SHH: variants seen among roughly 807,000 people sequenced by gnomAD.
SHH encodes the protein sonic hedgehog signaling molecule, also known as sonic hedgehog protein.
Under a neutral mutation model 16.6 loss-of-function variants are expected in SHH, and 3 were observed. That is an observed-to-expected ratio of 0.18 (90% CI 0.08 to 0.47). SHH has a LOEUF of 0.47. Ranked by LOEUF, SHH falls within the 20% of genes least tolerant of loss-of-function variation. SHH has a pLI of 0.98. For synonymous variants in SHH, 351 were observed against 316.2 expected, an observed-to-expected ratio of 1.11 and a Z score of -1.17; for missense variants, 499 against 665.0, an observed-to-expected ratio of 0.75 and a Z score of 2.75.
rs1233571 is a variant in SHH, at chr7:155,801,600, T to C, written c.*1300A>G. The C allele has an allele frequency of 0.91, 138,803 of 152,336 alleles. 63,436 individuals are homozygous for C. Among genetic ancestry groups the C allele is most frequent in the East Asian group, 1 (5,181 of 5,184 alleles). 9.4% of individuals were successfully genotyped at this position (152,336 alleles called of 1,614,324 possible). On this transcript the variant is annotated 3_prime_UTR_variant, in exon 3 of 3. Transcript: ENST00000297261. ...GAATGGCACTCCCAACCTTTGGGAG[T>C]GTAGAAAGAGCTTCACACAATAAAT...
Position 155,807,590 on chromosome 7 carries a change from G to T in SHH, c.301-1033C>A, listed in dbSNP as rs1028999641. 3.9e-5 allele frequency among the ~76,000 whole-genome samples: 6 copies of T among 152,210 alleles called. No homozygotes were observed. The highest frequency in any genetic ancestry group is 5.9e-5 in the Non-Finnish European group (4 of 68,034). ...GACGGGGTTACCTGGGATTCAGATT[G>T]TGGGGGTTCCCCTGGAATTCTGGGG... On this transcript the variant is annotated intron_variant, in intron 1 of 2. Transcript: ENST00000297261. This position sits in a 1 kb window ranked among gnomAD's most constrained non-coding sequence, Gnocchi z 7.1.
intron 1 of SHH, among the ~76,000 whole-genome samples, chr7:155,808,340 A>C (rs1803420189): frequency 6.6e-6 from 1 of 152,218 alleles, no homozygotes; most frequent in African/African-American, 2.4e-5. Context: ...CCCCCACCCC[A>C]CCGCAGCTCC....
rs2117141170 is a variant in SHH at position 155,807,510 on chromosome 7, AGTTT to A, written c.301-957_301-954del. On this transcript the variant is annotated intron_variant, in intron 1 of 2. Coordinates refer to ENST00000297261, the MANE Select transcript of SHH (RefSeq NM_000193.4). The surrounding 1 kb of genome is among the most constrained non-coding windows in gnomAD (Gnocchi z 7.1). ...AGGTCTCGGAGTCCTCCGCCTGGGG[AGTTT>A]CCCAGGAAGTTGCCTGGGAGGAGGC... 1 of 152,132 alleles carries A rather than the reference AGTTT, an allele frequency of 6.6e-6. No individual in the cohort carries two copies. The highest frequency in any genetic ancestry group is 6.5e-5 in the Admixed American group (1 of 15,284). The allele number at this position is 152,132 out of a possible 1,614,324, so 9.4% of individuals were successfully genotyped here. A position where few individuals can be genotyped will look rare whatever the true frequency, so the allele number is the denominator to read the frequency against.
Position 155,807,291 on chromosome 7 carries a change from C to T in SHH, c.301-734G>A, listed in dbSNP as rs1170356439. On this transcript the variant is annotated intron_variant, in intron 1 of 2. Coordinates refer to ENST00000297261, the MANE Select transcript of SHH (RefSeq NM_000193.4). The surrounding 1 kb of genome is among the most constrained non-coding windows in gnomAD (Gnocchi z 7.1). ...TCTGGACAGCCACATTCTTTTTGCC[C>T]GTCGAACCCTTTTCTGCCTGGCTTT... 2 of 153,902 alleles carry T rather than the reference C, an allele frequency of 1.3e-5. No individual in the cohort carries two copies. Among genetic ancestry groups the T allele is most frequent in the Non-Finnish European group, 2.9e-5 (2 of 69,262 alleles). 9.5% of individuals were successfully genotyped at this position (153,902 alleles called of 1,614,324 possible).
intron 1 of SHH, among the ~76,000 whole-genome samples, chr7:155,811,208 C>T (rs1803515330): frequency 6.6e-6 from 1 of 152,258 alleles, no homozygotes; most frequent in South Asian, 2.1e-4. Flanking sequence ...ATACAGCCAG[C>T]CACCCAGGGA....
Position 155,803,307 on chromosome 7 carries a change from G to A in SHH, c.982C>T (p.Leu328=). The part of the protein sequence containing the change: ...VAERDGDRRL[L]PAAVHSVTLS... ...GTCACGCTGTGCACAGCGGCGGGCA[G>A]GAGCCGGCGGTCCCCGTCACGCTCG... Residue 328 remains leucine, a synonymous_variant, in exon 3 of 3, where the codon CTG becomes TTG. Transcript: ENST00000297261. 1 of 1,479,632 alleles carries A rather than the reference G, an allele frequency of 6.8e-7. No homozygotes were observed. Among genetic ancestry groups the A allele is most frequent in the African/African-American group, 1.5e-5 (1 of 68,282 alleles). The allele number at this position is 1,479,632 out of a possible 1,614,324, so 91.7% of individuals were successfully genotyped here. A position where few individuals can be genotyped will look rare whatever the true frequency, so the allele number is the denominator to read the frequency against.
In SHH at chr7:155,807,382, G is replaced by GC. The variant is rs1803394314; in HGVS notation, c.301-826dup. On this transcript the variant is annotated intron_variant, in intron 1 of 2. Coordinates refer to ENST00000297261, the MANE Select transcript of SHH (RefSeq NM_000193.4). This position sits in a 1 kb window ranked among gnomAD's most constrained non-coding sequence, Gnocchi z 7.1. Reference sequence around the variant, plus strand: ...CCCTTCCTCCGCTCTTGTGTTCTTGGCCCCAGCATAGAATGGCGTCCAGCA... The same window carrying GC: ...CCCTTCCTCCGCTCTTGTGTTCTTGGCCCCCAGCATAGAATGGCGTCCAGCA... 1 of 150,772 alleles carries GC rather than the reference G, an allele frequency of 6.6e-6. No homozygotes were observed. The highest frequency in any genetic ancestry group is 2.4e-5 in the African/African-American group (1 of 41,030). 9.3% of individuals were successfully genotyped at this position (150,772 alleles called of 1,614,324 possible).
Position 155,807,982 on chromosome 7 carries a change from T to A in SHH, c.301-1425A>T, listed in dbSNP as rs1179348556. Among the ~76,000 whole-genome samples, 2 of 152,094 alleles carry A rather than the reference T, an allele frequency of 1.3e-5. No homozygotes were observed. The highest frequency in any genetic ancestry group is 2.9e-5 in the Non-Finnish European group (2 of 68,022). ...GGTGGGGCGAGGACGCTGGCCCCAC[T>A]GCTGCGGCGCTTTAAGGGGACGTGA... is the stretch of plus-strand genomic sequence containing the variant. On this transcript the variant is annotated intron_variant, in intron 1 of 2. Transcript: ENST00000297261. This position sits in a 1 kb window ranked among gnomAD's most constrained non-coding sequence, Gnocchi z 7.1.
chr7:155,808,760 C>A (rs1390816978), intron 1 of SHH, among the ~76,000 whole-genome samples: 1 of 152,210 alleles, frequency 6.6e-6, no homozygotes, highest in African/African-American at 2.4e-5. Context: ...GCAGGGCCGC[C>A]GGGGCCGGGC....
At position 155,809,804 on chromosome 7, in the gene SHH, C is replaced by T. The variant is rs1337703001; in HGVS notation, c.300+2019G>A. Among the ~76,000 whole-genome samples, 2 of 151,938 alleles carry T rather than the reference C, an allele frequency of 1.3e-5. No individual in the cohort carries two copies. Among genetic ancestry groups the T allele is most frequent in the East Asian group, 1.9e-4 (1 of 5,136 alleles). Reference sequence around the variant, plus strand: ...GTGGCCGGGCGCGGGGCCGCTGGGCCCTGCGTCCCCCGGCAGGGCGGACGG... The same window carrying T: ...GTGGCCGGGCGCGGGGCCGCTGGGCTCTGCGTCCCCCGGCAGGGCGGACGG... On this transcript the variant is annotated intron_variant, in intron 1 of 2. Transcript: ENST00000297261. The surrounding 1 kb of genome is among the most constrained non-coding windows in gnomAD (Gnocchi z 6.1).
At position 155,811,810 on chromosome 7, in the gene SHH, G is replaced by C. The variant is rs758966457; in HGVS notation, c.300+13C>G. 52 of 1,613,584 alleles carry C rather than the reference G, an allele frequency of 3.2e-5. No individual in the cohort carries two copies. The highest frequency in any genetic ancestry group is 4.2e-5 in the Non-Finnish European group (50 of 1,179,654). On this transcript the variant is annotated intron_variant, in intron 1 of 2. Transcript: ENST00000297261. Reference sequence around the variant, plus strand: ...AAAGCCACACATTCCACGCCCCGGCGCTGGGTTCCTACCTGAGTCATCAGC... The same window carrying C: ...AAAGCCACACATTCCACGCCCCGGCCCTGGGTTCCTACCTGAGTCATCAGC...
chr7:155,805,096 C>T (rs545371211), intron 2 of SHH, among the ~76,000 whole-genome samples: 1 of 151,998 alleles, frequency 6.6e-6, no homozygotes, highest in Admixed American at 6.5e-5. Flanking sequence ...GCTCCGCTCT[C>T]CCGGCGCGAT....
At chr7:155,811,656 C>T (rs563017050) in intron 1 of SHH, among the ~76,000 whole-genome samples, 167 bp downstream of exon 1, 1 of 152,242 alleles carries the variant, frequency 6.6e-6, no homozygotes, top group East Asian at 1.9e-4. Context: ...CTCCATTCTC[C>T]TCCAGGAAGA....
chr7:155,803,211 G>T lies in SHH; in HGVS notation c.1078C>A (p.Leu360Met). 1 of 1,509,262 alleles carries T rather than the reference G, an allele frequency of 6.6e-7. No homozygotes were observed. Among genetic ancestry groups the T allele is most frequent in the South Asian group, 1.2e-5 (1 of 80,274 alleles). 93.5% of individuals were successfully genotyped at this position (1,509,262 alleles called of 1,614,324 possible). A position where few individuals can be genotyped will look rare whatever the true frequency, so the allele number is the denominator to read the frequency against. ...AQGTILINRV[L>M]ASCYAVIEEH... is the part of the protein sequence containing the mutation. Reference sequence around the variant, plus strand: ...TCGATGACCGCGTAGCACGAGGCCAGCACCCGGTTGATGAGAATGGTGCCC... The same window carrying T: ...TCGATGACCGCGTAGCACGAGGCCATCACCCGGTTGATGAGAATGGTGCCC... The change falls in exon 3 of 3, where the codon CTG becomes ATG. Residue 360 changes from leucine (L) to methionine (M), a missense_variant. By Grantham distance (15) the Leu-to-Met change is conservative (BLOSUM62 2). This residue lies in a region of SHH where 299 missense variants were observed against 301.1 expected (regional missense o/e 0.99). Coordinates refer to ENST00000297261, the MANE Select transcript of SHH (RefSeq NM_000193.4).
rs574899320 is a variant in SHH, at chr7:155,800,178, C to G, written c.*2722G>C. 1 of 471,124 alleles carries G rather than the reference C, an allele frequency of 2.1e-6. No homozygotes were observed. Among genetic ancestry groups the G allele is most frequent in the Non-Finnish European group, 4.4e-6 (1 of 227,116 alleles). The allele number at this position is 471,124 out of a possible 1,614,324, so 29.2% of individuals were successfully genotyped here. On this transcript the variant is annotated 3_prime_UTR_variant, in exon 3 of 3. Coordinates refer to ENST00000297261, the MANE Select transcript of SHH (RefSeq NM_000193.4). ...ATGAGAAGTCGGCGCCTCGTCCTGG[C>G]GGGGCTGGGCTGCACCCTCTTGATG...
At chr7:155,804,681 G>T (rs980881924) in intron 2 of SHH, among the ~76,000 whole-genome samples, 4 of 152,172 alleles carry the variant, frequency 2.6e-5, no homozygotes, top group Non-Finnish European at 5.9e-5. Context: ...GAAGCGCCGG[G>T]TCTCAAGGCC....
rs747055674 is a variant in SHH, at chr7:155,802,889, G to GC, written c.*10dup. 189 of 618,026 alleles carry GC rather than the reference G, an allele frequency of 3.1e-4. No individual in the cohort carries two copies. The highest frequency in any genetic ancestry group is 2.8e-3 in the East Asian group (27 of 9,586). 38.3% of individuals were successfully genotyped at this position (618,026 alleles called of 1,614,324 possible). On this transcript the variant is annotated 3_prime_UTR_variant, in exon 3 of 3. Transcript: ENST00000297261. The stretch of plus-strand genomic sequence containing the variant: ...CGCCCCCTCCCGCGCCCCTCCCCCG[G>GC]CCCCCCGGCTTCAGCTGGACTTGAC...
rs1184965250 is a variant in SHH, at chr7:155,803,488, G to A, written c.801C>T (p.Thr267=). The A allele has an allele frequency of 3.8e-6, 6 of 1,569,438 alleles. No individual in the cohort carries two copies. Among genetic ancestry groups the A allele is most frequent in the Non-Finnish European group, 2.6e-6 (3 of 1,162,306 alleles). ...GCGCCACAAAGAGCAGGTGCGCGGCGGTGAGCAGCAGGCGCTCGCGCGGCT... is the reference window on the plus strand; with the variant it reads ...GCGCCACAAAGAGCAGGTGCGCGGCAGTGAGCAGCAGGCGCTCGCGCGGCT... ...TREPRERLLL[T]AAHLLFVAPH... The change falls in exon 3 of 3, where the codon ACC becomes ACT. Residue 267 remains threonine (T), a synonymous_variant. Transcript: ENST00000297261.
Position 155,800,460 on chromosome 7 carries a change from T to G in SHH, c.*2440A>C. 2.3e-6 allele frequency: 1 copy of G among 438,996 alleles called. No homozygotes were observed. Among genetic ancestry groups the G allele is most frequent in the South Asian group, 1.7e-5 (1 of 60,598 alleles). The allele number at this position is 438,996 out of a possible 1,614,324, so 27.2% of individuals were successfully genotyped here. A position where few individuals can be genotyped will look rare whatever the true frequency, so the allele number is the denominator to read the frequency against. ...AGTTGCACCATGGCCTCAGGCACCT[T>G]GGGGCTTGGTCAACGCCTGGCTTCT... is the stretch of plus-strand genomic sequence containing the variant. On this transcript the variant is annotated 3_prime_UTR_variant, in exon 3 of 3. Coordinates refer to ENST00000297261, the MANE Select transcript of SHH (RefSeq NM_000193.4).
Sources: gnomAD v4.1 joint callset for allele counts (sites outside exome capture counted in the v4.1 genomes callset) on GRCh38, gnomAD v4.1.1 for gene constraint, gnomAD v4.1.1 regional missense constraint, Gnocchi (gnomAD v3.1) non-coding constraint, MANE v1.5 for transcripts, NCBI Gene and HGNC (gene_info 2026-07-23, HGNC 2026-07-21) for gene names.